Variants in DHX15 observed in about 807,000 individuals in gnomAD.
DHX15 encodes the protein DEAH-box helicase 15, also known as ATP-dependent RNA helicase DHX15.
Under a neutral mutation model 94.4 loss-of-function variants are expected in DHX15, and 11 were observed. That is an observed-to-expected ratio of 0.12 (90% CI 0.07 to 0.19). DHX15 has a LOEUF of 0.19. Among genes scored for constraint, DHX15 ranks in the 10% least tolerant of loss-of-function variants. DHX15 has a pLI of 1.00. For synonymous variants in DHX15, 338 were observed against 329.9 expected (o/e 1.02, Z -0.27); for missense variants, 304 against 988.5 (o/e 0.31, Z 9.29).
chr4:24,580,550 C>A, intron 1 of DHX15, among the ~76,000 whole-genome samples: 1 of 150,506 alleles, frequency 6.6e-6, no homozygotes, highest in Non-Finnish European at 1.5e-5. Context: ...CCTCTGTTAC[C>A]CAGGCTGGAG....
At chr4:24,584,021 C>G (rs1722544299) in intron 1 of DHX15, among the ~76,000 whole-genome samples, 1 of 152,252 alleles carries the variant, frequency 6.6e-6, no homozygotes, top group Non-Finnish European at 1.5e-5. Context: ...CACTCCCGCC[C>G]GACGCCCTCG....
chr4:24,557,657 C>G (rs1035187002), intron 3 of DHX15, among the ~76,000 whole-genome samples: 2 of 152,046 alleles, frequency 1.3e-5, no homozygotes, highest in Non-Finnish European at 2.9e-5. Flanking sequence ...TACCACATTC[C>G]TGGGAGGGAC....
At chr4:24,539,836 C>A (rs758887348) in intron 10 of DHX15, 2 of 245,166 alleles carry the variant, frequency 8.2e-6, no homozygotes, top group Non-Finnish European at 1.5e-5. Context: ...CCAAAGAATT[C>A]AGTTACAACT....
intron 3 of DHX15, among the ~76,000 whole-genome samples, chr4:24,561,786 G>A (rs1402032815): frequency 1.3e-5 from 2 of 152,016 alleles, no homozygotes; most frequent in Non-Finnish European, 2.9e-5. Context: ...GAGGATGGAG[G>A]GTGGGAAGAG....
intron 3 of DHX15, among the ~76,000 whole-genome samples, chr4:24,560,366 GT>G (rs933983678): frequency 1.3e-5 from 2 of 151,944 alleles, no homozygotes; most frequent in South Asian, 4.1e-4. Flanking sequence ...TTCCAGCTTG[GT>G]TAAATGTTTA....
chr4:24,538,644 G>A (rs1721241822), intron 10 of DHX15: 1 of 151,860 alleles, frequency 6.6e-6, no homozygotes. Flanking sequence ...TCCTATAAAT[G>A]GACCATTTAA....
chr4:24,530,056 T>C (rs1721041398), intron 12 of DHX15: 1 of 462,672 alleles, frequency 2.2e-6, no homozygotes, highest in Non-Finnish European at 3.8e-6. Flanking sequence ...ATGAGTAGCA[T>C]GTAAAATTCA....
At chr4:24,553,705 A>T (rs1020833806) in intron 5 of DHX15, among the ~76,000 whole-genome samples, 2 of 151,872 alleles carry the variant, frequency 1.3e-5, no homozygotes, top group Admixed American at 6.6e-5. Flanking sequence ...TGAACCCGGG[A>T]GGCAGAGGTT....
chr4:24,578,833 G>C (rs1458068372), intron 1 of DHX15, among the ~76,000 whole-genome samples: 1 of 151,988 alleles, frequency 6.6e-6, no homozygotes, highest in Non-Finnish European at 1.5e-5. Context: ...CAACGTGCTG[G>C]GATTACCGAT....
chr4:24,532,703 T>C (rs1347747664), intron 12 of DHX15, among the ~76,000 whole-genome samples, 161 bp downstream of exon 12: 1 of 151,524 alleles, frequency 6.6e-6, no homozygotes, highest in Non-Finnish European at 1.5e-5. Context: ...AATTTCTTAG[T>C]ATATTAATTC....
chr4:24,556,212 A>G, intron 4 of DHX15, 39 bp downstream of exon 4: 1 of 1,579,980 alleles, frequency 6.3e-7, no homozygotes, highest in Non-Finnish European at 8.7e-7. Flanking sequence ...GCCCACATAC[A>G]CACATATATA....
At chr4:24,566,683 G>A (rs1722001303) in intron 3 of DHX15, among the ~76,000 whole-genome samples, 1 of 152,074 alleles carries the variant, frequency 6.6e-6, no homozygotes, top group South Asian at 2.1e-4. Flanking sequence ...AAAAGTAGCT[G>A]GGCATGGTGG....
In DHX15 at chr4:24,550,960, G is replaced by A. The variant is rs958087016; in HGVS notation, c.1081-1938C>T. ...TTGTGCTGTGATGCTGCAAGGTTAC[G>A]TTCAGCTCCACTATAATCTTACGGG... On this transcript the variant is annotated intron_variant, in intron 5 of 13. Coordinates refer to ENST00000336812, the MANE Select transcript of DHX15 (RefSeq NM_001358.3). 5.5e-4 allele frequency among the ~76,000 whole-genome samples: 83 copies of A among 152,188 alleles called. 1 individual carries two copies. Among genetic ancestry groups the A allele is most frequent in the African/African-American group, 1.9e-3 (77 of 41,448 alleles).
chr4:24,531,329 C>G (rs1156341411), intron 12 of DHX15, among the ~76,000 whole-genome samples: 1 of 151,978 alleles, frequency 6.6e-6, no homozygotes, highest in African/African-American at 2.4e-5. Flanking sequence ...ACCTCGTGAT[C>G]CACCCGCCTC....
intron 3 of DHX15, among the ~76,000 whole-genome samples, chr4:24,561,613 G>A (rs1577344769): frequency 6.6e-6 from 1 of 152,226 alleles, no homozygotes; most frequent in African/African-American, 2.4e-5. Context: ...GGAATACTAT[G>A]CAGCCATAAA....
rs1478055217 is a variant in DHX15, at chr4:24,582,663, C to G, written c.71+1660G>C. On this transcript the variant is annotated intron_variant, in intron 1 of 13. Coordinates refer to ENST00000336812, the MANE Select transcript of DHX15 (RefSeq NM_001358.3). The stretch of plus-strand genomic sequence containing the variant: ...CTTAACTACAGTACTGAACTGTGTG[C>G]TGCTGAGTGAAAATGACAAAGGCAG... Among the ~76,000 whole-genome samples the G allele has an allele frequency of 7.2e-5, 11 of 152,296 alleles. No homozygotes were observed. In the East Asian group the frequency reaches 2.1e-3, roughly 29 times the overall value.
At chr4:24,562,778 T>A (rs1409597673) in intron 3 of DHX15, among the ~76,000 whole-genome samples, 1 of 152,206 alleles carries the variant, frequency 6.6e-6, no homozygotes, top group Non-Finnish European at 1.5e-5. Flanking sequence ...AAGAGTCATA[T>A]ATATGAACAC....
chr4:24,546,946 G>GT (rs79540717), intron 6 of DHX15, among the ~76,000 whole-genome samples: 33,802 of 152,084 alleles, frequency 0.22, 4,022 homozygotes, highest in East Asian at 0.4. Context: ...GACACAAACA[G>GT]TAAGTTTAAA....
intron 5 of DHX15, among the ~76,000 whole-genome samples, chr4:24,550,283 A>C: frequency 6.6e-6 from 1 of 151,804 alleles, no homozygotes; most frequent in Middle Eastern, 3.4e-3. Context: ...GGCGATACAA[A>C]ATTTATAAAA....
Sources: allele counts gnomAD v4.1 joint callset (sites outside exome capture counted in the v4.1 genomes callset), GRCh38; gene constraint gnomAD v4.1.1; transcripts MANE v1.5; gene names NCBI Gene and HGNC (gene_info 2026-07-23, HGNC 2026-07-21).